COQ9: variants seen among roughly 807,000 people sequenced by gnomAD.
The protein encoded by COQ9 is coenzyme Q9, also known as ubiquinone biosynthesis protein COQ9, mitochondrial.
A neutral mutation model predicts 42.4 loss-of-function variants in COQ9; 35 were observed. The observed-to-expected ratio is 0.83, with a 90% CI of 0.63 to 1.10. The LOEUF (loss-of-function observed/expected upper bound fraction) is 1.10. COQ9 is among the 50% of genes least tolerant of loss of function. COQ9 has a pLI of 0.00. For missense variants in COQ9, 406 were observed against 414.6 expected (o/e 0.98, Z 0.18); for synonymous variants, 155 against 155.1 (o/e 1.00, Z 0.00).
intron 2 of COQ9, among the ~76,000 whole-genome samples, chr16:57,451,999 T>C (rs983836254): frequency 5.9e-5 from 9 of 152,236 alleles, no homozygotes; most frequent in East Asian, 1.9e-4. Flanking sequence ...TGTTTTTTTT[T>C]CCTAATCCTG....
intron 5 of COQ9, 47 bp from the exon 6 acceptor site, chr16:57,458,199 A>G: frequency 2.9e-6 from 4 of 1,383,208 alleles, no homozygotes; most frequent in Middle Eastern, 1.8e-4. Context: ...TCAACTATGC[A>G]CCATTACCTG....
At position 57,447,711 on chromosome 16, in the gene COQ9, C is replaced by T. The variant is rs144431175; in HGVS notation, c.73+133C>T. ...AGCAAGGTGAGGTGAAGGGCATCGG[C>T]GCGGGCTCGGGCGAGCCGCCTGGCT... On this transcript the variant is annotated intron_variant, in intron 1 of 8. Transcript: ENST00000262507. 1.5e-3 allele frequency: 1,184 copies of T among 789,368 alleles called. 2 individuals are homozygous for T. Among genetic ancestry groups the T allele is most frequent in the Non-Finnish European group, 1.7e-3 (996 of 583,634 alleles). 48.9% of individuals were successfully genotyped at this position (789,368 alleles called of 1,614,324 possible). A position where few individuals can be genotyped will look rare whatever the true frequency, so the allele number is the denominator to read the frequency against.
At chr16:57,448,151 G>T (rs2030176943) in intron 1 of COQ9, among the ~76,000 whole-genome samples, 3 of 152,056 alleles carry the variant, frequency 2.0e-5, no homozygotes, top group African/African-American at 7.2e-5. Context: ...TAACACTTTA[G>T]CATACATACA....
At chr16:57,460,558 AC>A in intron 8 of COQ9, 30 bp from the exon 9 acceptor site, 1 of 1,611,464 alleles carries the variant, frequency 6.2e-7, no homozygotes, top group Non-Finnish European at 8.5e-7. Context: ...GTAAGCCCTC[AC>A]TATTCTCTTT....
At chr16:57,451,292 C>T in intron 2 of COQ9, 84 bp downstream of exon 2, 1 of 1,380,230 alleles carries the variant, frequency 7.2e-7, no homozygotes, top group Admixed American at 1.7e-5. Flanking sequence ...CCTCTCCATC[C>T]CCTTTTGTAC....
At chr16:57,456,415 C>T in intron 3 of COQ9, 89 bp from the exon 4 acceptor site, 1 of 1,450,900 alleles carries the variant, frequency 6.9e-7, no homozygotes, top group Non-Finnish European at 9.6e-7. Context: ...AAGCTGCTGT[C>T]ACTAGGAAGA....
intron 4 of COQ9, 141 bp from the exon 5 acceptor site, chr16:57,456,790 C>T (rs2030414027): frequency 1.5e-6 from 2 of 1,325,832 alleles, no homozygotes; most frequent in East Asian, 4.9e-5. Flanking sequence ...GGACTGAAAC[C>T]TGGCAGCCTG....
chr16:57,451,676 TATA>T (rs1163372057), intron 2 of COQ9, among the ~76,000 whole-genome samples: 1 of 152,250 alleles, frequency 6.6e-6, no homozygotes, highest in Admixed American at 6.5e-5. Flanking sequence ...ATAGAATAGA[TATA>T]ATGTGTATAA....
Position 57,452,989 on chromosome 16 carries a change from C to CA in COQ9, c.378+54dup, listed in dbSNP as rs776041822. 1.5e-4 allele frequency: 239 copies of CA among 1,610,546 alleles called. No individual in the cohort carries two copies. The Middle Eastern group carries it at 2.5e-3, about 17-fold the overall frequency. On this transcript the variant is annotated intron_variant, in intron 3 of 8. Coordinates refer to ENST00000262507, the MANE Select transcript of COQ9 (RefSeq NM_020312.4). ...TAACCAAGATGAGCCAGGATGGAGT[C>CA]ACACCAGGCAGAGCGGGGGGCCTCA...
In COQ9 at chr16:57,459,576, C is replaced by T. The variant is rs1043231; in HGVS notation, c.723C>T (p.Tyr241=). 7 of 1,614,134 alleles carry T rather than the reference C, an allele frequency of 4.3e-6. No homozygotes were observed. Among genetic ancestry groups the T allele is most frequent in the Non-Finnish European group, 5.9e-6 (7 of 1,180,022 alleles). ...GGGTTTCTTTACAGTTTAACTGGTA[C>T]ACCCGCCGAGCCATGCTGGCTGCCA... ...AGDQSTDFNW[Y]TRRAMLAAIY... The change falls in exon 7 of 9, where the codon TAC becomes TAT. Residue 241 remains tyrosine (Y), a synonymous_variant. Transcript: ENST00000262507.
rs780726490 is a variant in COQ9, at chr16:57,461,172, G to C, written c.*548G>C. 1 of 455,884 alleles carries C rather than the reference G, an allele frequency of 2.2e-6. No homozygotes were observed. The highest frequency in any genetic ancestry group is 1.5e-5 in the South Asian group (1 of 64,550). The allele number at this position is 455,884 out of a possible 1,614,324, so 28.2% of individuals were successfully genotyped here. A position where few individuals can be genotyped will look rare whatever the true frequency, so the allele number is the denominator to read the frequency against. On this transcript the variant is annotated 3_prime_UTR_variant, in exon 9 of 9. Transcript: ENST00000262507. ...TGAGACAAGTGCCTGCTGGACAGAG[G>C]TGTGATTCCAGGCCTGGTGTCACAT...
At position 57,449,038 on chromosome 16, in the gene COQ9, C is replaced by A. The variant is rs576443040; in HGVS notation, c.73+1460C>A. Among the ~76,000 whole-genome samples the A allele has an allele frequency of 2.0e-3, 298 of 152,164 alleles. 1 individual carries two copies. Among genetic ancestry groups the A allele is most frequent in the African/African-American group, 6.8e-3 (283 of 41,494 alleles). On this transcript the variant is annotated intron_variant, in intron 1 of 8. Transcript: ENST00000262507. ...GAAAAGAGTCTAGCATGAACGGAGC[C>A]CAACCTTGAGTTTAGAGCATGCAGA...
intron 3 of COQ9, among the ~76,000 whole-genome samples, chr16:57,455,416 T>TATATAA (rs1598038266): frequency 6.8e-6 from 1 of 147,806 alleles, no homozygotes; most frequent in East Asian, 2.0e-4. Flanking sequence ...TATATATATA[T>TATATAA]AAAATAATTA....
intron 1 of COQ9, 62 bp from the exon 2 acceptor site, chr16:57,450,978 C>T: frequency 6.4e-7 from 1 of 1,574,260 alleles, no homozygotes; most frequent in Non-Finnish European, 8.7e-7. Context: ...TCTGTGTTAC[C>T]ACTCTGGGTC....
At chr16:57,456,356 G>A (rs1359582569) in intron 3 of COQ9, 148 bp from the exon 4 acceptor site, 43 of 824,862 alleles carry the variant, frequency 5.2e-5, no homozygotes, top group Admixed American at 1.9e-4. Flanking sequence ...TGGAGGGACC[G>A]GTGGTGGTCA....
At chr16:57,447,662 A>G (rs1301249042) in intron 1 of COQ9, 84 bp downstream of exon 1, 4 of 1,144,606 alleles carry the variant, frequency 3.5e-6, no homozygotes, top group Non-Finnish European at 4.4e-6. Flanking sequence ...CGGTGGGGGG[A>G]AGAGGCCGTT....
rs147596076 is a variant in COQ9, at chr16:57,457,930, T to C, written c.607-316T>C. ...ACTCCTATCTCTGCTTCTTCCTTTG[T>C]GTGACAGACTGGGGTATCTTTGCCC... On this transcript the variant is annotated intron_variant, in intron 5 of 8. Coordinates refer to ENST00000262507, the MANE Select transcript of COQ9 (RefSeq NM_020312.4). 3.0e-3 allele frequency among the ~76,000 whole-genome samples: 450 copies of C among 151,176 alleles called. 3 individuals carry two copies. The highest frequency in any genetic ancestry group is 0.01 in the African/African-American group (410 of 40,570).
rs1442878635 is a variant in COQ9 at position 57,447,575 on chromosome 16, C to T, written c.70C>T (p.Pro24Ser). ...GAGGCTCCTGCAGCTGCGATGCCTG[C>T]CCGGTGAGGGGGCTGCCAAGCCGGG... ...GWRLLQLRCL[P>S]VARCRQALVP... The change falls in exon 1 of 9, where the codon CCC becomes TCC. Residue 24 changes from proline (P) to serine (S), a missense_variant. Coordinates refer to ENST00000262507, the MANE Select transcript of COQ9 (RefSeq NM_020312.4). 2 of 1,276,368 alleles carry T rather than the reference C, an allele frequency of 1.6e-6. No homozygotes were observed. Among genetic ancestry groups the T allele is most frequent in the Non-Finnish European group, 9.9e-7 (1 of 1,007,696 alleles). 79.1% of individuals were successfully genotyped at this position (1,276,368 alleles called of 1,614,324 possible).
intron 3 of COQ9, 31 bp from the exon 4 acceptor site, chr16:57,456,473 G>A (rs746019835): frequency 1.2e-5 from 19 of 1,613,622 alleles, no homozygotes; most frequent in East Asian, 8.9e-5. Flanking sequence ...CTTGGGCACC[G>A]CTTTTCTGTT....
Sources: allele counts gnomAD v4.1 joint callset (sites outside exome capture counted in the v4.1 genomes callset), GRCh38; gene constraint gnomAD v4.1.1; transcripts MANE v1.5; gene names NCBI Gene and HGNC (gene_info 2026-07-23, HGNC 2026-07-21).